The following DNAAF11 variants were observed in gnomAD, a reference collection of about 807,000 sequenced individuals.
DNAAF11 encodes the protein leucine rich repeat containing 6.
DNAAF11 carries 45 observed loss-of-function variants against 60.8 expected under a neutral mutation model. That is an observed-to-expected ratio of 0.74 (90% CI 0.58 to 0.95). The LOEUF is 0.95. DNAAF11 is among the 40% of genes least tolerant of loss of function. DNAAF11 has a pLI of 0.00. For missense variants in DNAAF11, 546 were observed against 546.2 expected, an observed-to-expected ratio of 1.00 and a Z score of 0.00; for synonymous variants, 191 against 183.5, an observed-to-expected ratio of 1.04 and a Z score of -0.33.
chr8:132,679,486 G>A (rs943729853), upstream of DNAAF11, among the ~76,000 whole-genome samples: 2 of 152,182 alleles, frequency 1.3e-5, no homozygotes, highest in African/African-American at 4.8e-5. Flanking sequence ...TTATTGGACT[G>A]TTCTTTTTCT....
intron 7 of DNAAF11, among the ~76,000 whole-genome samples, chr8:132,621,231 C>T (rs1332629494): frequency 6.6e-6 from 1 of 152,114 alleles, no homozygotes; most frequent in Non-Finnish European, 1.5e-5. Context: ...AGAAGTGAAC[C>T]CTCCACTTCA....
At chr8:132,693,195 A>C in the DNAAF11 span, among the ~76,000 whole-genome samples, 1 of 152,302 alleles carries the variant, frequency 6.6e-6, no homozygotes, top group South Asian at 2.1e-4. Context: ...ACAGAGAGAA[A>C]GCAAGACATG....
chr8:132,642,075 G>C (rs1821910296), intron 3 of DNAAF11, among the ~76,000 whole-genome samples: 2 of 152,202 alleles, frequency 1.3e-5, no homozygotes, highest in African/African-American at 2.4e-5. Context: ...AACATGGTTA[G>C]AGTTGAGAAT....
At chr8:132,609,029 G>T (rs1403024988) in intron 10 of DNAAF11, among the ~76,000 whole-genome samples, 1 of 152,078 alleles carries the variant, frequency 6.6e-6, no homozygotes, top group Non-Finnish European at 1.5e-5. Context: ...CTCATCAGCA[G>T]AACCCAATTT....
In DNAAF11 at chr8:132,579,765, C is replaced by T. The variant is rs188344907; in HGVS notation, c.1226+3929G>A. ...ATCCCAACAATTTGGGAGGCTGCAG[C>T]GGGCGGATCACTTGAGGCCAGGAGT... On this transcript the variant is annotated intron_variant, in intron 11 of 11. Transcript: ENST00000620350. 3.3e-5 allele frequency among the ~76,000 whole-genome samples: 5 copies of T among 152,206 alleles called. No individual in the cohort carries two copies. The East Asian group carries it at 5.8e-4, about 18-fold the overall frequency.
chr8:132,683,648 C>G, the DNAAF11 span, among the ~76,000 whole-genome samples: 1 of 152,218 alleles, frequency 6.6e-6, no homozygotes, highest in Non-Finnish European at 1.5e-5. Flanking sequence ...GGAGACCAAG[C>G]CTTCAGGTTC....
At chr8:132,632,378 T>A (rs1820884795) in intron 5 of DNAAF11, among the ~76,000 whole-genome samples, 1 of 152,236 alleles carries the variant, frequency 6.6e-6, no homozygotes, top group Admixed American at 6.5e-5. Context: ...ATGATGCAAT[T>A]AGAATTATTC....
At chr8:132,660,516 T>C (rs1425024190) in intron 2 of DNAAF11, among the ~76,000 whole-genome samples, 1 of 152,170 alleles carries the variant, frequency 6.6e-6, no homozygotes. Flanking sequence ...CTGTGCTTTC[T>C]CTTTCCGGGT....
intron 10 of DNAAF11, among the ~76,000 whole-genome samples, chr8:132,605,112 T>C (rs912653551): frequency 1.3e-5 from 2 of 152,212 alleles, no homozygotes; most frequent in African/African-American, 4.8e-5. Context: ...ACTTTATTTA[T>C]ATTCACTTGC....
rs150204213 is a variant in DNAAF11, at chr8:132,580,173, T to C, written c.1226+3521A>G. Among the ~76,000 whole-genome samples the C allele has an allele frequency of 1.0e-3, 155 of 152,258 alleles. No individual in the cohort carries two copies. In the Middle Eastern group the frequency reaches 0.014, roughly 13 times the overall value. On this transcript the variant is annotated intron_variant, in intron 11 of 11. Transcript: ENST00000620350. ...TTTAAATAACATGTCTCAGACTTCC[T>C]AGTAAAAGATGGAAAACTGGAACGC... is the stretch of plus-strand genomic sequence containing the variant.
intron 10 of DNAAF11, among the ~76,000 whole-genome samples, chr8:132,596,316 G>A (rs976722342): frequency 1.3e-5 from 2 of 152,152 alleles, no homozygotes; most frequent in South Asian, 4.1e-4. Flanking sequence ...ACATAAGGCA[G>A]TTATGTGGCC....
chr8:132,681,645 A>T, the DNAAF11 span, among the ~76,000 whole-genome samples: 1 of 152,110 alleles, frequency 6.6e-6, no homozygotes, highest in East Asian at 1.9e-4. Context: ...GTATTGTTGG[A>T]TATGAATTCT....
At chr8:132,639,571 T>C (rs1821653533) in intron 3 of DNAAF11, among the ~76,000 whole-genome samples, 2 of 152,196 alleles carry the variant, frequency 1.3e-5, no homozygotes, top group African/African-American at 2.4e-5. Context: ...TTGGTGAGGT[T>C]TCCTCAATTC....
chr8:132,633,659 G>T (rs1203655185), intron 4 of DNAAF11, among the ~76,000 whole-genome samples: 8 of 152,250 alleles, frequency 5.3e-5, no homozygotes, highest in Admixed American at 3.9e-4. Context: ...CATGGCAAAA[G>T]GGGCTTTACA....
At chr8:132,665,021 C>T (rs1005275900) in intron 1 of DNAAF11, among the ~76,000 whole-genome samples, 2 of 152,030 alleles carry the variant, frequency 1.3e-5, no homozygotes, top group African/African-American at 4.8e-5. Context: ...TTTGCCTGGA[C>T]AGCAATGATT....
chr8:132,689,510 A>C, the DNAAF11 span, among the ~76,000 whole-genome samples: 3 of 144 alleles, frequency 0.021, no homozygotes, highest in African/African-American at 0.067. Flanking sequence ...ATTCCCTGAA[A>C]TGAAATGAAC....
the DNAAF11 span, among the ~76,000 whole-genome samples, chr8:132,684,253 TAC>T: frequency 6.6e-6 from 1 of 152,182 alleles, no homozygotes; most frequent in Admixed American, 6.5e-5. Flanking sequence ...CAGAAACAGC[TAC>T]AGTTTATTAA....
intron 1 of DNAAF11, among the ~76,000 whole-genome samples, chr8:132,672,051 G>A (rs893385999): frequency 6.6e-6 from 1 of 152,028 alleles, no homozygotes; most frequent in Non-Finnish European, 1.5e-5. Context: ...TTAAGAGAAG[G>A]AAAATATAAG....
rs994152160 is a variant in DNAAF11 at position 132,663,677 on chromosome 8, G to A, written c.11-2050C>T. 5.3e-5 allele frequency among the ~76,000 whole-genome samples: 8 copies of A among 152,232 alleles called. No homozygotes were observed. The East Asian group carries it at 1.4e-3, about 26-fold the overall frequency. ...AGAACTGGAGTCCATGGGGCCAGGA[G>A]GACGTGCCCATCCAGAGCCCAAGTC... On this transcript the variant is annotated intron_variant, in intron 1 of 11. Transcript: ENST00000620350.
Sources: gnomAD v4.1 joint callset for allele counts (sites outside exome capture counted in the v4.1 genomes callset) on GRCh38, gnomAD v4.1.1 for gene constraint, MANE v1.5 for transcripts, NCBI Gene and HGNC (gene_info 2026-07-23, HGNC 2026-07-21) for gene names.